The following CAP2 variants were observed in gnomAD, a reference collection of about 807,000 sequenced individuals.
The protein encoded by CAP2 is cyclase associated actin cytoskeleton regulatory protein 2.
Under a neutral mutation model 57.7 loss-of-function variants are expected in CAP2, and 24 were observed. The ratio of observed to expected loss-of-function variants is 0.42; its 90% CI spans 0.30 to 0.58. The LOEUF (loss-of-function observed/expected upper bound fraction) is 0.58, where lower values mean the gene tolerates loss of function less well. Ranked by LOEUF, CAP2 falls within the 20% of genes least tolerant of loss-of-function variation. The pLI, the probability that CAP2 is intolerant of heterozygous loss-of-function variation, is 0.22. For synonymous variants in CAP2, 194 were observed against 207.2 expected (o/e 0.94, Z 0.55); for missense variants, 501 against 590.3 (o/e 0.85, Z 1.57).
intron 1 of CAP2, among the ~76,000 whole-genome samples, chr6:17,412,193 C>T (rs932600129): frequency 6.6e-6 from 1 of 152,132 alleles, no homozygotes; most frequent in Non-Finnish European, 1.5e-5. Context: ...CCTCAGTAGC[C>T]CAGTTCCCTG....
intron 4 of CAP2, among the ~76,000 whole-genome samples, chr6:17,506,282 A>G (rs1163437085): frequency 2.0e-5 from 3 of 152,204 alleles, no homozygotes; most frequent in Non-Finnish European, 4.4e-5. Flanking sequence ...ACCTGTAGCC[A>G]TAGGCGAAGT....
chr6:17,413,954 T>C (rs1176807109), intron 1 of CAP2, among the ~76,000 whole-genome samples: 2 of 151,646 alleles, frequency 1.3e-5, no homozygotes, highest in African/African-American at 4.8e-5. Context: ...CTTGGGAGGC[T>C]GAGGCAGGAG....
intron 3 of CAP2, among the ~76,000 whole-genome samples, chr6:17,442,952 A>G (rs1186173659): frequency 1.3e-5 from 2 of 152,054 alleles, no homozygotes; most frequent in Non-Finnish European, 2.9e-5. Flanking sequence ...TCCTGACCTC[A>G]AGTAATCCAC....
At chr6:17,495,388 TAC>T (rs1761639129) in intron 4 of CAP2, among the ~76,000 whole-genome samples, 1 of 152,244 alleles carries the variant, frequency 6.6e-6, no homozygotes, top group Non-Finnish European at 1.5e-5. Context: ...CTCATTTTAT[TAC>T]ACAGTCATGA....
chr6:17,409,747 G>A (rs7762847), intron 1 of CAP2, among the ~76,000 whole-genome samples: 15,352 of 151,984 alleles, frequency 0.1, 2,592 homozygotes, highest in African/African-American at 0.35. Flanking sequence ...GGGCACCTCC[G>A]CTCCCTAACT....
intron 1 of CAP2, among the ~76,000 whole-genome samples, chr6:17,412,924 G>A (rs1759176789): frequency 6.6e-6 from 1 of 152,146 alleles, no homozygotes; most frequent in Non-Finnish European, 1.5e-5. Context: ...AGATCTCTTG[G>A]AGGAGCTGGG....
At chr6:17,535,191 C>T (rs1482531506) in intron 7 of CAP2, among the ~76,000 whole-genome samples, 5 of 151,926 alleles carry the variant, frequency 3.3e-5, no homozygotes, top group Admixed American at 3.3e-4. Flanking sequence ...ATACTTCTGT[C>T]GTATTTATTC....
intron 4 of CAP2, among the ~76,000 whole-genome samples, chr6:17,481,438 A>G (rs1162360689): frequency 3.6e-5 from 2 of 56,088 alleles, no homozygotes; most frequent in Non-Finnish European, 6.2e-5. Context: ...ATTCTTTTCT[A>G]GGAAACAAAA....
At chr6:17,537,566 G>A (rs9465047) in intron 7 of CAP2, among the ~76,000 whole-genome samples, 4 of 151,946 alleles carry the variant, frequency 2.6e-5, no homozygotes. Flanking sequence ...TTTTGATACT[G>A]CATAATACTA....
intron 3 of CAP2, among the ~76,000 whole-genome samples, chr6:17,452,518 A>G (rs1379769176): frequency 6.6e-6 from 1 of 152,140 alleles, no homozygotes; most frequent in Non-Finnish European, 1.5e-5. Context: ...GTACTTCTTT[A>G]TTTTATTCTT....
At chr6:17,505,114 C>T (rs78893816) in intron 4 of CAP2, among the ~76,000 whole-genome samples, 2,391 of 152,210 alleles carry the variant, frequency 0.016, 58 homozygotes, top group African/African-American at 0.055. Context: ...CTTTAAAATG[C>T]AGTATCTCCT....
chr6:17,434,245 T>C (rs963044330), intron 3 of CAP2, among the ~76,000 whole-genome samples: 5 of 151,784 alleles, frequency 3.3e-5, no homozygotes, highest in Admixed American at 1.3e-4. Context: ...CTTTTTTTTT[T>C]TGAGACAGAG....
At chr6:17,441,565 C>T (rs1009469178) in intron 3 of CAP2, among the ~76,000 whole-genome samples, 2 of 151,566 alleles carry the variant, frequency 1.3e-5, no homozygotes, top group Admixed American at 1.3e-4. Context: ...CTCACTGCAG[C>T]CTCAACTTCC....
intron 2 of CAP2, among the ~76,000 whole-genome samples, chr6:17,426,231 C>CTT (rs551759980): frequency 2.9e-5 from 4 of 139,980 alleles, no homozygotes; most frequent in Admixed American, 7.2e-5. Context: ...CCCAGGTTTT[C>CTT]TTTTTTTTTT....
intron 1 of CAP2, among the ~76,000 whole-genome samples, chr6:17,415,202 A>T (rs1436440558): frequency 6.6e-6 from 1 of 152,344 alleles, no homozygotes; most frequent in African/African-American, 2.4e-5. Context: ...TCAGCTAGCA[A>T]TCAGGAAACC....
intron 3 of CAP2, among the ~76,000 whole-genome samples, chr6:17,453,359 G>T (rs1364752168): frequency 6.6e-6 from 1 of 152,156 alleles, no homozygotes; most frequent in Non-Finnish European, 1.5e-5. Flanking sequence ...TTATTGATTT[G>T]TTGCATGATT....
chr6:17,553,556 C>T (rs1031822882), intron 12 of CAP2, among the ~76,000 whole-genome samples: 3 of 151,412 alleles, frequency 2.0e-5, no homozygotes, highest in African/African-American at 7.3e-5. Context: ...TCACTTGAAC[C>T]TGGGAGGCAG....
At position 17,472,165 on chromosome 6, in the gene CAP2, T is replaced by C. The variant is rs1761037131; in HGVS notation, c.300+9092T>C. Among the ~76,000 whole-genome samples the C allele has an allele frequency of 2.4e-5, 2 of 81,912 alleles. 1 individual carries two copies. The highest frequency in any genetic ancestry group is 2.2e-4 in the Admixed American group (2 of 9,056). 53.7% of individuals were successfully genotyped at this position (81,912 alleles called of 152,430 possible). A position where few individuals can be genotyped will look rare whatever the true frequency, so the allele number is the denominator to read the frequency against. On this transcript the variant is annotated intron_variant, in intron 4 of 12. Transcript: ENST00000229922. ...CCGGCTAAAATGGTGAAACCCCGTC[T>C]CTACTAAAAATACAAAAAATTAGCC...
chr6:17,481,947 T>C (rs1024109034), intron 4 of CAP2, among the ~76,000 whole-genome samples: 8 of 152,190 alleles, frequency 5.3e-5, no homozygotes, highest in African/African-American at 1.9e-4. Flanking sequence ...GACATGCATA[T>C]GTAGGGGAGT....
Sources: gnomAD v4.1 joint callset for allele counts (sites outside exome capture counted in the v4.1 genomes callset) on GRCh38, gnomAD v4.1.1 for gene constraint, MANE v1.5 for transcripts, NCBI Gene and HGNC (gene_info 2026-07-23, HGNC 2026-07-21) for gene names.